GSDMC: variants seen among roughly 807,000 people sequenced by gnomAD.
GSDMC encodes the protein gasdermin-C.
Under a neutral mutation model 58.0 loss-of-function variants are expected in GSDMC, and 59 were observed. The ratio of observed to expected loss-of-function variants is 1.02; its 90% CI spans 0.82 to 1.26. The LOEUF is 1.26. GSDMC is among the 50% of genes most tolerant of loss of function. GSDMC has a pLI of 0.00. For synonymous variants in GSDMC, 241 were observed against 220.2 expected, an observed-to-expected ratio of 1.09 and a Z score of -0.83; for missense variants, 659 against 598.5, an observed-to-expected ratio of 1.10 and a Z score of -1.06.
At chr8:129,770,872 C>A (rs62524984) in intron 3 of GSDMC, among the ~76,000 whole-genome samples, 2 of 151,706 alleles carry the variant, frequency 1.3e-5, no homozygotes, top group Non-Finnish European at 2.9e-5. Context: ...ATCCAATGAC[C>A]TGCTGCCTAA....
intron 3 of GSDMC, among the ~76,000 whole-genome samples, chr8:129,769,073 G>A (rs554222282): frequency 3.0e-5 from 4 of 134,840 alleles, no homozygotes; most frequent in African/African-American, 5.7e-5. Context: ...GCAAGACCCT[G>A]TCACAAAGGA....
At chr8:129,762,471 G>A (rs1240457783) in intron 5 of GSDMC, among the ~76,000 whole-genome samples, 155 bp downstream of exon 5, 2 of 152,188 alleles carry the variant, frequency 1.3e-5, no homozygotes, top group African/African-American at 4.8e-5. Context: ...TGAGATGGGT[G>A]TGTGCCCTGG....
the GSDMC span, among the ~76,000 whole-genome samples, chr8:129,725,372 C>T: frequency 2.1e-4 from 32 of 152,300 alleles, no homozygotes; most frequent in South Asian, 3.3e-3. Flanking sequence ...TTCTTTCTAA[C>T]AGCTCAATTT....
intron 3 of GSDMC, among the ~76,000 whole-genome samples, chr8:129,769,553 G>A (rs77956356): frequency 0.019 from 2,844 of 152,182 alleles, 97 homozygotes; most frequent in African/African-American, 0.065. Flanking sequence ...AAAAGCAGAA[G>A]CAAACACATG....
intron 6 of GSDMC, among the ~76,000 whole-genome samples, chr8:129,757,528 T>G (rs1453455353): frequency 1.3e-5 from 2 of 151,884 alleles, no homozygotes; most frequent in Admixed American, 6.6e-5. Flanking sequence ...ATAGAAGAGA[T>G]AATACTTCAA....
At chr8:129,768,359 G>C (rs1471794367) in intron 3 of GSDMC, among the ~76,000 whole-genome samples, 1 of 152,130 alleles carries the variant, frequency 6.6e-6, no homozygotes, top group East Asian at 1.9e-4. Context: ...ACCAACAAAG[G>C]AAACTAATAA....
At chr8:129,753,675 T>C (rs1433713317) in intron 6 of GSDMC, among the ~76,000 whole-genome samples, 1 of 152,192 alleles carries the variant, frequency 6.6e-6, no homozygotes, top group Non-Finnish European at 1.5e-5. Context: ...CACAGTGGTG[T>C]AGTGCACCAA....
intron 6 of GSDMC, among the ~76,000 whole-genome samples, chr8:129,754,418 A>T (rs567224568): frequency 1.1e-4 from 16 of 152,372 alleles, no homozygotes; most frequent in African/African-American, 3.8e-4. Flanking sequence ...AACCTCTATG[A>T]GTCTGCAACA....
At chr8:129,731,963 A>G in the GSDMC span, among the ~76,000 whole-genome samples, 1 of 152,114 alleles carries the variant, frequency 6.6e-6, no homozygotes, top group African/African-American at 2.4e-5. Context: ...CTCTACCACC[A>G]CCTACTGACA....
At chr8:129,763,286 G>A (rs1361732692) in intron 4 of GSDMC, among the ~76,000 whole-genome samples, 5 of 152,070 alleles carry the variant, frequency 3.3e-5, no homozygotes, top group African/African-American at 1.2e-4. Flanking sequence ...TAGAATTCTT[G>A]GCTGGAATTC....
the GSDMC span, among the ~76,000 whole-genome samples, chr8:129,741,719 A>T: frequency 2.0e-5 from 3 of 152,064 alleles, no homozygotes; most frequent in Non-Finnish European, 4.4e-5. Context: ...AGAAGACAGT[A>T]TGGAGGTCCC....
rs567069384 is a variant in GSDMC at position 129,756,354 on chromosome 8, T to C, written c.722-3534A>G. 2.0e-5 allele frequency among the ~76,000 whole-genome samples: 3 copies of C among 152,128 alleles called. No individual in the cohort carries two copies. In the East Asian group the frequency reaches 5.8e-4, roughly 29 times the overall value. On this transcript the variant is annotated intron_variant, in intron 6 of 13. Coordinates refer to ENST00000276708, the MANE Select transcript of GSDMC (RefSeq NM_031415.3). Reference sequence around the variant, plus strand: ...CACTCAACACTGCAGTACCCAGATATATAAAGCAAATATTATTAGAGCTAA... The same window carrying C: ...CACTCAACACTGCAGTACCCAGATACATAAAGCAAATATTATTAGAGCTAA...
At chr8:129,784,677 C>G (rs1002174522) in intron 1 of GSDMC, among the ~76,000 whole-genome samples, 1 of 152,198 alleles carries the variant, frequency 6.6e-6, no homozygotes, top group Non-Finnish European at 1.5e-5. Flanking sequence ...CTATGGAGAA[C>G]AGTTTGGACC....
intron 12 of GSDMC, 53 bp downstream of exon 12, chr8:129,749,937 G>A (rs1158126431): frequency 1.3e-6 from 2 of 1,487,400 alleles, no homozygotes; most frequent in African/African-American, 1.4e-5. Flanking sequence ...CTTTTTGCGG[G>A]TCCTGGGGAC....
chr8:129,736,799 G>T, the GSDMC span, among the ~76,000 whole-genome samples: 3 of 152,168 alleles, frequency 2.0e-5, no homozygotes, highest in Non-Finnish European at 4.4e-5. Flanking sequence ...GGGCAATCAG[G>T]CAAGAGAAAG....
At chr8:129,728,190 C>T in the GSDMC span, among the ~76,000 whole-genome samples, 13 of 152,254 alleles carry the variant, frequency 8.5e-5, no homozygotes, top group African/African-American at 1.7e-4. Flanking sequence ...CTCCTCACCC[C>T]TCTTGTGCAG....
the GSDMC span, among the ~76,000 whole-genome samples, chr8:129,710,301 C>T: frequency 9.8e-5 from 15 of 152,312 alleles, no homozygotes; most frequent in East Asian, 5.8e-4. Context: ...CAAATGGGCA[C>T]GTACCCAAAA....
chr8:129,712,282 G>C, the GSDMC span, among the ~76,000 whole-genome samples: 1 of 152,134 alleles, frequency 6.6e-6, no homozygotes, highest in Non-Finnish European at 1.5e-5. Flanking sequence ...TAGGTATACA[G>C]GAATATCATG....
intron 6 of GSDMC, among the ~76,000 whole-genome samples, chr8:129,758,455 T>C (rs772926688): frequency 1.2e-4 from 18 of 152,226 alleles, no homozygotes; most frequent in Non-Finnish European, 2.4e-4. Flanking sequence ...TATGATCTTA[T>C]ATTTGGAAAA....
Sources: allele counts gnomAD v4.1 joint callset (sites outside exome capture counted in the v4.1 genomes callset), GRCh38; gene constraint gnomAD v4.1.1; transcripts MANE v1.5; gene names NCBI Gene and HGNC (gene_info 2026-07-23, HGNC 2026-07-21).